ARHGAP15: variants seen among roughly 807,000 people sequenced by gnomAD.
The protein encoded by ARHGAP15 is Rho GTPase activating protein 15, also known as rho GTPase-activating protein 15.
In ARHGAP15, 51 loss-of-function variants were observed where a neutral mutation model predicts 63.7. That is an observed-to-expected ratio of 0.80 (90% CI 0.64 to 1.01). The LOEUF (loss-of-function observed/expected upper bound fraction) is 1.01. Among genes scored for constraint, ARHGAP15 ranks in the 50% least tolerant of loss-of-function variants. ARHGAP15 has a pLI of 0.00. For synonymous variants in ARHGAP15, 191 were observed against 193.8 expected (o/e 0.99, Z 0.12); for missense variants, 560 against 564.6 (o/e 0.99, Z 0.08).
At chr2:143,421,806 G>A (rs899388451) in intron 6 of ARHGAP15, among the ~76,000 whole-genome samples, 48 of 147,004 alleles carry the variant, frequency 3.3e-4, no homozygotes, top group African/African-American at 1.2e-3. Flanking sequence ...ATATATGTGT[G>A]TGTTTCATTA....
At chr2:143,617,547 C>T (rs970367722) in intron 11 of ARHGAP15, among the ~76,000 whole-genome samples, 5 of 152,140 alleles carry the variant, frequency 3.3e-5, no homozygotes, top group Non-Finnish European at 5.9e-5. Context: ...GGACACCATA[C>T]ATATTGGATG....
In ARHGAP15 at chr2:143,649,236, T is replaced by C. The variant is rs1238906427; in HGVS notation, c.1138+24969T>C. ...AGCATGTGGTTCTATATTTCGATGTTTGCTGAAGAAGCAAGACACTGAAAG... is the reference window on the plus strand; with the variant it reads ...AGCATGTGGTTCTATATTTCGATGTCTGCTGAAGAAGCAAGACACTGAAAG... On this transcript the variant is annotated intron_variant, in intron 12 of 13. Transcript: ENST00000295095. Among the ~76,000 whole-genome samples the C allele has an allele frequency of 2.0e-5, 3 of 152,036 alleles. No homozygotes were observed. In the East Asian group the frequency reaches 5.8e-4, roughly 29 times the overall value.
At chr2:143,763,033 G>A (rs1025737983) in intron 13 of ARHGAP15, among the ~76,000 whole-genome samples, 18 of 151,960 alleles carry the variant, frequency 1.2e-4, no homozygotes, top group Admixed American at 6.6e-5. Flanking sequence ...TTCCATGAAA[G>A]CCTTTTATTT....
At chr2:143,196,291 A>G (rs1017571819) in intron 2 of ARHGAP15, among the ~76,000 whole-genome samples, 1 of 152,086 alleles carries the variant, frequency 6.6e-6, no homozygotes, top group Non-Finnish European at 1.5e-5. Context: ...AATCCAAGTC[A>G]GAAGAATTTT....
chr2:143,297,248 G>A (rs1682676464), intron 6 of ARHGAP15, among the ~76,000 whole-genome samples: 1 of 151,944 alleles, frequency 6.6e-6, no homozygotes. Flanking sequence ...AACACTAAGT[G>A]GACAGGTTAC....
intron 10 of ARHGAP15, among the ~76,000 whole-genome samples, chr2:143,536,336 A>C (rs944623380): frequency 2.6e-5 from 4 of 152,116 alleles, no homozygotes; most frequent in African/African-American, 9.7e-5. Flanking sequence ...TTCACTTAGC[A>C]TAACGTCCTC....
intron 11 of ARHGAP15, among the ~76,000 whole-genome samples, chr2:143,601,943 A>G (rs1476820799): frequency 6.6e-6 from 1 of 152,200 alleles, no homozygotes; most frequent in Non-Finnish European, 1.5e-5. Context: ...ATAACATAAA[A>G]CAGTAAGGCA....
At chr2:143,500,197 C>A (rs1692990966) in intron 9 of ARHGAP15, among the ~76,000 whole-genome samples, 1 of 150,782 alleles carries the variant, frequency 6.6e-6, no homozygotes, top group Non-Finnish European at 1.5e-5. Flanking sequence ...AGTATTTTAT[C>A]TTTGATATTC....
At chr2:143,633,074 A>C (rs2105257908) in intron 12 of ARHGAP15, among the ~76,000 whole-genome samples, 1 of 152,306 alleles carries the variant, frequency 6.6e-6, no homozygotes, top group South Asian at 2.1e-4. Flanking sequence ...GCAGCATTTC[A>C]AGGAAATTTG....
intron 6 of ARHGAP15, among the ~76,000 whole-genome samples, chr2:143,291,435 C>T (rs1334511969): frequency 5.0e-5 from 5 of 99,392 alleles, no homozygotes; most frequent in Non-Finnish European, 1.1e-4. Flanking sequence ...CACACTCAGG[C>T]ACATACATTT....
rs11890082 is a variant in ARHGAP15 at position 143,723,708 on chromosome 2, T to C, written c.1244+20184T>C. On this transcript the variant is annotated intron_variant, in intron 13 of 13. Transcript: ENST00000295095. ...TTAACAAAAACCATCCTTGCCCTCATGCAGGTTAAAAGGGGGAGTCAGTTA... is the reference window on the plus strand; with the variant it reads ...TTAACAAAAACCATCCTTGCCCTCACGCAGGTTAAAAGGGGGAGTCAGTTA... Among the ~76,000 whole-genome samples, 903 of 152,292 alleles carry C rather than the reference T, an allele frequency of 5.9e-3. 7 individuals carry two copies. Among genetic ancestry groups the C allele is most frequent in the African/African-American group, 0.02 (841 of 41,566 alleles).
At chr2:143,698,492 A>T (rs1683947698) in intron 12 of ARHGAP15, among the ~76,000 whole-genome samples, 1 of 151,412 alleles carries the variant, frequency 6.6e-6, no homozygotes, top group Admixed American at 6.6e-5. Flanking sequence ...TTCTCTGAAC[A>T]GCATGGAATC....
chr2:143,552,276 C>CT (rs1695598970), intron 10 of ARHGAP15, among the ~76,000 whole-genome samples: 1 of 152,186 alleles, frequency 6.6e-6, no homozygotes, highest in Non-Finnish European at 1.5e-5. Flanking sequence ...GGCTCAAACT[C>CT]CACATCTGCA....
chr2:143,324,987 T>C (rs1049112059), intron 6 of ARHGAP15, among the ~76,000 whole-genome samples: 1 of 152,158 alleles, frequency 6.6e-6, no homozygotes, highest in African/African-American at 2.4e-5. Context: ...ATGTGCACAA[T>C]AGGTCACAAG....
intron 10 of ARHGAP15, among the ~76,000 whole-genome samples, chr2:143,555,115 G>T (rs1190468894): frequency 6.6e-6 from 1 of 152,118 alleles, no homozygotes; most frequent in East Asian, 1.9e-4. Context: ...TATAGTGAAT[G>T]ATTGTCTTAA....
intron 1 of ARHGAP15, among the ~76,000 whole-genome samples, chr2:143,130,000 T>C (rs1268318840): frequency 6.6e-6 from 1 of 152,146 alleles, no homozygotes; most frequent in Admixed American, 6.5e-5. Context: ...TGTAAAGGAA[T>C]ACTGTCTATC....
At chr2:143,195,317 T>G (rs1238232621) in intron 2 of ARHGAP15, among the ~76,000 whole-genome samples, 1 of 152,176 alleles carries the variant, frequency 6.6e-6, no homozygotes, top group Non-Finnish European at 1.5e-5. Flanking sequence ...AACAATTTAC[T>G]TATCATACAC....
In ARHGAP15 at chr2:143,459,795, G is replaced by T. The variant is rs529123292; in HGVS notation, c.703+22753G>T. Among the ~76,000 whole-genome samples the T allele has an allele frequency of 2.6e-5, 4 of 152,170 alleles. No individual in the cohort carries two copies. The East Asian group carries it at 7.7e-4, about 29-fold the overall frequency. On this transcript the variant is annotated intron_variant, in intron 8 of 13. Transcript: ENST00000295095. ...AGTGGGCCTTTGTTTAAAAAATCAT[G>T]GTGTATCCCTATGATGGTATATATG...
intron 10 of ARHGAP15, among the ~76,000 whole-genome samples, chr2:143,548,361 T>C (rs1462204301): frequency 2.0e-5 from 3 of 152,052 alleles, no homozygotes; most frequent in Admixed American, 6.6e-5. Context: ...TATATGTATA[T>C]ACATATACAT....
Sources: gnomAD v4.1 joint callset for allele counts (sites outside exome capture counted in the v4.1 genomes callset) on GRCh38, gnomAD v4.1.1 for gene constraint, MANE v1.5 for transcripts, NCBI Gene and HGNC (gene_info 2026-07-23, HGNC 2026-07-21) for gene names.